ESRRG: variants seen among roughly 807,000 people sequenced by gnomAD.
ESRRG encodes the protein estrogen-related receptor gamma.
A neutral mutation model predicts 44.0 loss-of-function variants in ESRRG; 13 were observed. That is an observed-to-expected ratio of 0.30 (90% CI 0.19 to 0.47). The LOEUF is 0.47. Ranked by LOEUF, ESRRG falls within the 20% of genes least tolerant of loss-of-function variation. The pLI is 1.00. For synonymous variants in ESRRG, 215 were observed against 214.6 expected (o/e 1.00, Z -0.02); for missense variants, 395 against 580.6 (o/e 0.68, Z 3.29).
At chr1:216,536,880 AC>A (rs1194760104) in intron 5 of ESRRG, among the ~76,000 whole-genome samples, 1 of 151,994 alleles carries the variant, frequency 6.6e-6, no homozygotes, top group African/African-American at 2.4e-5. Flanking sequence ...GTGGTATAAT[AC>A]TGCAATAGAG....
intron 3 of ESRRG, among the ~76,000 whole-genome samples, chr1:216,591,109 A>G (rs1217458149): frequency 6.6e-6 from 1 of 152,200 alleles, no homozygotes; most frequent in Non-Finnish European, 1.5e-5. Flanking sequence ...GCCCCCAGAT[A>G]GCTTCAGAAT....
intron 3 of ESRRG, 125 bp from the exon 4 acceptor site, chr1:216,568,223 G>T (rs942035349): frequency 5.8e-6 from 4 of 686,654 alleles, no homozygotes; most frequent in African/African-American, 5.3e-5. Flanking sequence ...TGGACCAGGG[G>T]TACTCAAATA....
intron 2 of ESRRG, among the ~76,000 whole-genome samples, chr1:216,928,741 T>C (rs937160046): frequency 1.8e-4 from 28 of 152,174 alleles, no homozygotes; most frequent in African/African-American, 6.8e-4. Flanking sequence ...AAACAAAATG[T>C]GGTCGCTACA....
intron 1 of ESRRG, among the ~76,000 whole-genome samples, chr1:216,701,940 G>T (rs1240430835): frequency 1.3e-5 from 2 of 152,156 alleles, no homozygotes; most frequent in Non-Finnish European, 1.5e-5. Flanking sequence ...ATTTCAAGAA[G>T]AACCACTAAA....
chr1:216,823,979 C>T (rs1008745292), intron 2 of ESRRG, among the ~76,000 whole-genome samples: 1 of 152,116 alleles, frequency 6.6e-6, no homozygotes, highest in African/African-American at 2.4e-5. Flanking sequence ...TACTTGAGGG[C>T]AGGTTCCAAC....
chr1:216,721,416 ATCTT>A (rs773295349), intron 1 of ESRRG, among the ~76,000 whole-genome samples: 25 of 152,336 alleles, frequency 1.6e-4, no homozygotes, highest in Non-Finnish European at 2.8e-4. Context: ...TTAGCGTTAG[ATCTT>A]TCTGTCTGTC....
chr1:216,973,302 C>T (rs998801005), intron 1 of ESRRG, among the ~76,000 whole-genome samples: 3 of 152,152 alleles, frequency 2.0e-5, no homozygotes, highest in Non-Finnish European at 2.9e-5. Context: ...TCTGACATCA[C>T]CTCTCATTGT....
Position 216,939,525 on chromosome 1 carries a change from G to A in ESRRG, c.-14+57C>T, listed in dbSNP as rs2064857582. ...TCTAATGTGTATCACGTGGCATTAT[G>A]TTATGTAGATTTTAAAAGAATGTTA... On this transcript the variant is annotated intron_variant, in intron 2 of 7. Transcript: ENST00000359162. 4 of 152,022 alleles carry A rather than the reference G, an allele frequency of 2.6e-5. No homozygotes were observed. In the South Asian group the frequency reaches 6.2e-4, roughly 24 times the overall value. The allele number at this position is 152,022 out of a possible 1,614,324, so 9.4% of individuals were successfully genotyped here. A position where few individuals can be genotyped will look rare whatever the true frequency, so the allele number is the denominator to read the frequency against.
chr1:216,530,056 G>A (rs2048837314), intron 5 of ESRRG, among the ~76,000 whole-genome samples: 1 of 140,500 alleles, frequency 7.1e-6, no homozygotes, highest in Admixed American at 7.5e-5. Context: ...ATGTTGCAGT[G>A]AGCTAAGATT....
chr1:216,543,850 A>G (rs1033971644), intron 5 of ESRRG, among the ~76,000 whole-genome samples: 1 of 151,992 alleles, frequency 6.6e-6, no homozygotes, highest in African/African-American at 2.4e-5. Context: ...ATAAAATCTT[A>G]TTTTTTTGCA....
chr1:216,629,562 C>CT (rs1168458485), intron 3 of ESRRG, among the ~76,000 whole-genome samples: 1 of 152,144 alleles, frequency 6.6e-6, no homozygotes, highest in African/African-American at 2.4e-5. Flanking sequence ...GGAATGCTAA[C>CT]TTTTTTTCAC....
chr1:216,686,645 T>C (rs1407726825), intron 1 of ESRRG, among the ~76,000 whole-genome samples: 3 of 151,930 alleles, frequency 2.0e-5, no homozygotes, highest in Non-Finnish European at 4.4e-5. Context: ...AAAAAGACTA[T>C]ACCAGGGTTT....
chr1:216,630,869 G>GAA (rs1477266902), intron 3 of ESRRG, among the ~76,000 whole-genome samples: 1 of 152,062 alleles, frequency 6.6e-6, no homozygotes, highest in East Asian at 1.9e-4. Context: ...AAAAGAGAAT[G>GAA]CTGTCCTGAT....
intron 2 of ESRRG, among the ~76,000 whole-genome samples, chr1:216,765,713 G>C (rs2093039658): frequency 6.6e-6 from 1 of 152,076 alleles, no homozygotes; most frequent in Admixed American, 6.5e-5. Flanking sequence ...GACACTAAGG[G>C]ATCTGGAGAG....
Position 216,846,831 on chromosome 1 carries a change from G to A in ESRRG, c.-14+92751C>T, listed in dbSNP as rs558874592. 4.0e-5 allele frequency among the ~76,000 whole-genome samples: 6 copies of A among 151,832 alleles called. No homozygotes were observed. The East Asian group carries it at 7.7e-4, about 20-fold the overall frequency. ...CAGATAAAGCTGAACCTGAATCTTC[G>A]GTTTTATTTGACATTCCCCTTATGT... On this transcript the variant is annotated intron_variant, in intron 2 of 7. Coordinates refer to the ESRRG transcript ENST00000359162.
chr1:216,853,401 TA>T (rs11572557), intron 2 of ESRRG, among the ~76,000 whole-genome samples: 5,104 of 152,322 alleles, frequency 0.034, 300 homozygotes, highest in African/African-American at 0.11. Flanking sequence ...TGAGAAATCA[TA>T]AAGTCCAAAT....
intron 2 of ESRRG, among the ~76,000 whole-genome samples, chr1:216,831,079 C>A (rs1033707807): frequency 2.6e-5 from 4 of 151,724 alleles, no homozygotes; most frequent in African/African-American, 9.7e-5. Context: ...CCACTGTGAT[C>A]TATATTGGGA....
At chr1:216,570,280 A>T (rs2060534584) in intron 3 of ESRRG, among the ~76,000 whole-genome samples, 2 of 152,220 alleles carry the variant, frequency 1.3e-5, no homozygotes. Flanking sequence ...AGGTAAGGTT[A>T]TTAAGCATTC....
At chr1:216,779,512 TTATAAA>T (rs544945270) in intron 2 of ESRRG, among the ~76,000 whole-genome samples, 539 of 34,512 alleles carry the variant, frequency 0.016, 19 homozygotes, top group East Asian at 0.018. Flanking sequence ...AAATATATAT[TTATAAA>T]TATAAATATA....
Sources: allele counts gnomAD v4.1 joint callset (sites outside exome capture counted in the v4.1 genomes callset), GRCh38; gene constraint gnomAD v4.1.1; transcripts MANE v1.5; gene names NCBI Gene and HGNC (gene_info 2026-07-23, HGNC 2026-07-21).